The following ZFAND6 variants were observed in gnomAD, a reference collection of about 807,000 sequenced individuals.
The protein encoded by ZFAND6 is zinc finger AN1-type containing 6.
A neutral mutation model predicts 24.5 loss-of-function variants in ZFAND6; 12 were observed. That is an observed-to-expected ratio of 0.49 (90% CI 0.31 to 0.79). The LOEUF (loss-of-function observed/expected upper bound fraction) is 0.79, where lower values mean the gene tolerates loss of function less well. Among genes scored for constraint, ZFAND6 ranks in the 30% least tolerant of loss-of-function variants. The probability of loss-of-function intolerance (pLI) is 0.04; values close to 1 mark genes in which losing one functional copy is unlikely to be tolerated. For synonymous variants in ZFAND6, 92 were observed against 81.5 expected (o/e 1.13, Z -0.69); for missense variants, 207 against 245.9 (o/e 0.84, Z 1.06).
rs1162146344 is a variant in ZFAND6 at position 80,068,135 on chromosome 15, TTTTTTTTG to T, written c.-181+8330_-181+8337del. Among the ~76,000 whole-genome samples the T allele has an allele frequency of 2.0e-3, 301 of 148,586 alleles. 1 individual carries two copies. Among genetic ancestry groups the T allele is most frequent in the Non-Finnish European group, 3.5e-3 (234 of 66,816 alleles). On this transcript the variant is annotated intron_variant, in intron 1 of 6. Transcript: ENST00000261749. ...CACCACCGCGCCTGGCCTGTTTTTTTTTTTTTTGTTTGTTTGTTTGTTTGTTTTTGAGA... is the reference window on the plus strand; with the variant it reads ...CACCACCGCGCCTGGCCTGTTTTTTTTTTGTTTGTTTGTTTGTTTTTGAGA...
At chr15:80,116,525 A>G (rs538355690) in intron 2 of ZFAND6, among the ~76,000 whole-genome samples, 1 of 152,346 alleles carries the variant, frequency 6.6e-6, no homozygotes, top group South Asian at 2.1e-4. Context: ...CCTTAATAAC[A>G]ACATTCTAGT....
At chr15:80,131,506 AGTT>A in intron 6 of ZFAND6, 1 of 469,720 alleles carries the variant, frequency 2.1e-6, no homozygotes. Flanking sequence ...GTTTTATTTC[AGTT>A]GAATTTAGAA....
Position 80,065,537 on chromosome 15 carries a change from A to ATTTTTT in ZFAND6, c.-181+5748_-181+5753dup, listed in dbSNP as rs149756891. Among the ~76,000 whole-genome samples, 133 of 76,496 alleles carry ATTTTTT rather than the reference A, an allele frequency of 1.7e-3. 4 individuals are homozygous for ATTTTTT. The highest frequency in any genetic ancestry group is 9.8e-3 in the East Asian group (24 of 2,448). The allele number at this position is 76,496 out of a possible 152,430, so 50.2% of individuals were successfully genotyped here. On this transcript the variant is annotated intron_variant, in intron 1 of 6. Transcript: ENST00000261749. ...GGGCTTCAAATTAGTTTTGGTTTTG[A>ATTTTTT]TTTTTTTTTTTTTTTTTTTTTTTTT...
At chr15:80,121,555 G>A (rs572241957) in intron 3 of ZFAND6, among the ~76,000 whole-genome samples, 157 bp from the exon 4 acceptor site, 4 of 152,228 alleles carry the variant, frequency 2.6e-5, no homozygotes, top group East Asian at 1.9e-4. Context: ...CTGGCAAACC[G>A]TTGAAAAATT....
intron 2 of ZFAND6, among the ~76,000 whole-genome samples, chr15:80,111,197 T>C (rs1179336675): frequency 1.3e-5 from 2 of 152,220 alleles, no homozygotes; most frequent in South Asian, 2.1e-4. Flanking sequence ...TATAACTCCA[T>C]ATAAATCATG....
At chr15:80,117,825 G>C (rs552266234) in intron 2 of ZFAND6, among the ~76,000 whole-genome samples, 2 of 146,256 alleles carry the variant, frequency 1.4e-5, no homozygotes, top group South Asian at 2.2e-4. Flanking sequence ...TTGGCCCCTT[G>C]ATAAGGCTTC....
chr15:80,136,224 C>G (rs796608141), intron 6 of ZFAND6, among the ~76,000 whole-genome samples: 1 of 151,826 alleles, frequency 6.6e-6, no homozygotes, highest in Non-Finnish European at 1.5e-5. Flanking sequence ...CCCAGCACTT[C>G]GGGAGGCCTA....
Position 80,121,807 on chromosome 15 carries a change from T to C in ZFAND6, c.250T>C (p.Ser84Pro), listed in dbSNP as rs1399517975. ...GTCAGCATTAGACTCTACATCTTCA[T>C]CTATGCAGCCCAGGTAAGATGTACT... is the stretch of plus-strand genomic sequence containing the variant. ...AQSALDSTSSSMQPSPVSNQS... is the reference protein window; with the variant it reads ...AQSALDSTSSPMQPSPVSNQS... The change falls in exon 4 of 7, where the codon TCT (serine) becomes CCT (proline). Residue 84 changes from serine to proline, a missense_variant. Around this residue, in one of 3 missense-constraint regions of ZFAND6, gnomAD observed 133 missense variants for 122.8 expected, o/e 1.08. Transcript: ENST00000261749. The C allele has an allele frequency of 3.7e-6, 6 of 1,613,066 alleles. No individual in the cohort carries two copies. Among genetic ancestry groups the C allele is most frequent in the Non-Finnish European group, 5.1e-6 (6 of 1,179,316 alleles).
chr15:80,136,458 C>T (rs1449210743), intron 6 of ZFAND6, among the ~76,000 whole-genome samples: 6 of 150,736 alleles, frequency 4.0e-5, no homozygotes, highest in Non-Finnish European at 8.9e-5. Flanking sequence ...AGTGAGACTC[C>T]GTGTCAAAAA....
At position 80,089,867 on chromosome 15, in the gene ZFAND6, G is replaced by A. The variant is rs574885693; in HGVS notation, c.-180-8549G>A. On this transcript the variant is annotated intron_variant, in intron 1 of 6. Transcript: ENST00000261749. ...CCTTCTAGGTATTTATATTTTAAGAGTATCAGTCTACTTGTGACTCTTGAG... is the reference window on the plus strand; with the variant it reads ...CCTTCTAGGTATTTATATTTTAAGAATATCAGTCTACTTGTGACTCTTGAG... Among the ~76,000 whole-genome samples, 7 of 152,204 alleles carry A rather than the reference G, an allele frequency of 4.6e-5. No individual in the cohort carries two copies. In the East Asian group the frequency reaches 1.4e-3, roughly 29 times the overall value.
At chr15:80,110,931 G>A (rs2039575744) in intron 2 of ZFAND6, among the ~76,000 whole-genome samples, 1 of 152,156 alleles carries the variant, frequency 6.6e-6, no homozygotes, top group South Asian at 2.1e-4. Flanking sequence ...GCCTGGCCCT[G>A]GGATGGGAGG....
intron 1 of ZFAND6, among the ~76,000 whole-genome samples, chr15:80,074,772 A>C (rs1197333614): frequency 6.6e-6 from 1 of 151,980 alleles, no homozygotes; most frequent in African/African-American, 2.4e-5. Flanking sequence ...AATTATGTAT[A>C]CTTTTACTAG....
rs1197899452 is a variant in ZFAND6 at position 80,138,295 on chromosome 15, T to C, written c.*667T>C. On this transcript the variant is annotated 3_prime_UTR_variant, in exon 7 of 7. Coordinates refer to ENST00000261749, the MANE Select transcript of ZFAND6 (RefSeq NM_019006.4). The stretch of plus-strand genomic sequence containing the variant: ...CAGATTATGTTCATGGGTTTGTGTG[T>C]ATACAATATGAAGAATGATCTGAAG... 2 of 152,662 alleles carry C rather than the reference T, an allele frequency of 1.3e-5. No individual in the cohort carries two copies. The highest frequency in any genetic ancestry group is 2.9e-5 in the Non-Finnish European group (2 of 68,020). 9.5% of individuals were successfully genotyped at this position (152,662 alleles called of 1,614,324 possible).
At chr15:80,101,791 G>GTTTTTT (rs750632508) in intron 2 of ZFAND6, among the ~76,000 whole-genome samples, 14 of 123,092 alleles carry the variant, frequency 1.1e-4, no homozygotes, top group African/African-American at 3.7e-4. Context: ...TATGTAAAGT[G>GTTTTTT]TTTTTTTTTT....
chr15:80,077,950 C>T (rs1451549067), intron 1 of ZFAND6, among the ~76,000 whole-genome samples: 1 of 152,028 alleles, frequency 6.6e-6, no homozygotes, highest in Non-Finnish European at 1.5e-5. Context: ...CCACCCGCCT[C>T]GGCCTCCCAA....
intron 2 of ZFAND6, among the ~76,000 whole-genome samples, chr15:80,111,921 G>A (rs1006807891): frequency 2.6e-5 from 4 of 152,112 alleles, no homozygotes; most frequent in Admixed American, 6.5e-5. Context: ...CATGAGTCCA[G>A]TATTGTCAGA....
intron 1 of ZFAND6, among the ~76,000 whole-genome samples, chr15:80,075,947 AT>A (rs1435860692): frequency 6.6e-6 from 1 of 152,054 alleles, no homozygotes; most frequent in Non-Finnish European, 1.5e-5. Context: ...TAAGTACTAG[AT>A]TTCTCAGCAA....
At chr15:80,083,296 A>G (rs1484557237) in intron 1 of ZFAND6, among the ~76,000 whole-genome samples, 4 of 148,032 alleles carry the variant, frequency 2.7e-5, no homozygotes, top group African/African-American at 1.1e-4. Flanking sequence ...TGGCCTATAC[A>G]TACGTTATTT....
At chr15:80,061,701 G>A (rs1016019857) in intron 1 of ZFAND6, among the ~76,000 whole-genome samples, 4 of 152,108 alleles carry the variant, frequency 2.6e-5, no homozygotes, top group African/African-American at 9.7e-5. Context: ...CTTCGACCGT[G>A]TTTTTATTGT....
Sources: allele counts gnomAD v4.1 joint callset (sites outside exome capture counted in the v4.1 genomes callset), GRCh38; gene constraint gnomAD v4.1.1; regional missense constraint gnomAD v4.1.1; transcripts MANE v1.5; gene names NCBI Gene and HGNC (gene_info 2026-07-23, HGNC 2026-07-21).